The following ASIC2 variants were observed in gnomAD, a reference collection of about 807,000 sequenced individuals.
The protein encoded by ASIC2 is acid-sensing ion channel 2.
ASIC2 carries 25 observed loss-of-function variants against 57.3 expected under a neutral mutation model. The ratio of observed to expected loss-of-function variants is 0.44; its 90% CI spans 0.32 to 0.61. ASIC2 has a LOEUF of 0.61. Ranked by LOEUF, ASIC2 falls within the 20% of genes least tolerant of loss-of-function variation. The probability of loss-of-function intolerance (pLI) is 0.06; values close to 1 mark genes in which losing one functional copy is unlikely to be tolerated. For synonymous variants in ASIC2, 319 were observed against 307.5 expected (o/e 1.04, Z -0.39); for missense variants, 641 against 738.1 (o/e 0.87, Z 1.52).
In ASIC2 at chr17:34,080,230, A is replaced by G. The variant is rs369582251; in HGVS notation, c.555+75748T>C. ...ACTGCCAGGGACATCACATAAAACC[A>G]CTCAGATTCCTCATAACACAACTCC... is the stretch of plus-strand genomic sequence containing the variant. On this transcript the variant is annotated intron_variant, in intron 1 of 9. Coordinates refer to the ASIC2 transcript ENST00000359872. 2.6e-5 allele frequency among the ~76,000 whole-genome samples: 4 copies of G among 152,028 alleles called. No homozygotes were observed. The East Asian group carries it at 7.7e-4, about 29-fold the overall frequency.
chr17:34,112,445 C>A (rs866638458), intron 1 of ASIC2, among the ~76,000 whole-genome samples: 3 of 148,582 alleles, frequency 2.0e-5, no homozygotes, highest in African/African-American at 7.5e-5. Flanking sequence ...GATTTTCAGA[C>A]GCAAGACAGG....
At chr17:33,656,770 T>C (rs1462560688) in intron 1 of ASIC2, among the ~76,000 whole-genome samples, 1 of 152,220 alleles carries the variant, frequency 6.6e-6, no homozygotes, top group Non-Finnish European at 1.5e-5. Context: ...ATCATCTGTT[T>C]ACTTACTTGT....
chr17:33,897,769 A>T (rs904700421), intron 1 of ASIC2, among the ~76,000 whole-genome samples: 5 of 152,186 alleles, frequency 3.3e-5, no homozygotes, highest in African/African-American at 1.2e-4. Context: ...GGTGGAGCCT[A>T]TGGGAGAGGG....
At chr17:33,285,842 T>G (rs112719257) in intron 1 of ASIC2, among the ~76,000 whole-genome samples, 2 of 152,180 alleles carry the variant, frequency 1.3e-5, no homozygotes, top group Non-Finnish European at 2.9e-5. Context: ...AGAATTGAGA[T>G]GACATGAAAC....
intron 2 of ASIC2, among the ~76,000 whole-genome samples, chr17:33,092,080 C>T (rs2092159999): frequency 6.6e-6 from 1 of 152,208 alleles, no homozygotes; most frequent in Non-Finnish European, 1.5e-5. Context: ...CCTTCCTAAG[C>T]AGGTGCTCTG....
intron 1 of ASIC2, among the ~76,000 whole-genome samples, chr17:33,902,771 T>A (rs2141954422): frequency 6.6e-6 from 1 of 152,360 alleles, no homozygotes; most frequent in East Asian, 1.9e-4. Flanking sequence ...GTGGAACCCC[T>A]AATTCTCGAA....
intron 1 of ASIC2, among the ~76,000 whole-genome samples, chr17:33,206,661 C>T (rs907153435): frequency 6.6e-6 from 1 of 152,110 alleles, no homozygotes; most frequent in Admixed American, 6.5e-5. Context: ...GAGTATCCTT[C>T]CATGGCCCTG....
At chr17:34,155,098 A>AT (rs2142147248) in intron 1 of ASIC2, among the ~76,000 whole-genome samples, 1 of 148,136 alleles carries the variant, frequency 6.8e-6, no homozygotes, top group Non-Finnish European at 1.5e-5. Flanking sequence ...CAGGCTTTCC[A>AT]TTCCCACAGC....
intron 1 of ASIC2, among the ~76,000 whole-genome samples, chr17:33,220,546 G>A (rs2142096991): frequency 6.6e-6 from 1 of 152,148 alleles, no homozygotes; most frequent in African/African-American, 2.4e-5. Context: ...TATGACCTTG[G>A]GCAATTCATT....
intron 3 of ASIC2, among the ~76,000 whole-genome samples, chr17:33,033,992 G>C (rs1196862790): frequency 1.3e-5 from 2 of 152,092 alleles, no homozygotes; most frequent in Non-Finnish European, 2.9e-5. Context: ...ACGATGAGAT[G>C]ATCAGCTGCA....
intron 1 of ASIC2, among the ~76,000 whole-genome samples, chr17:34,027,218 A>G (rs1386282146): frequency 6.6e-6 from 1 of 152,242 alleles, no homozygotes; most frequent in Non-Finnish European, 1.5e-5. Context: ...ACTGGCAAAG[A>G]TGTATTCCTT....
chr17:33,737,611 G>T (rs570705019), intron 1 of ASIC2, among the ~76,000 whole-genome samples: 1 of 152,212 alleles, frequency 6.6e-6, no homozygotes, highest in Non-Finnish European at 1.5e-5. Context: ...AAAGAGTGCT[G>T]CACTTATTGG....
chr17:33,298,329 T>C (rs1331114246), intron 1 of ASIC2, among the ~76,000 whole-genome samples: 5 of 152,106 alleles, frequency 3.3e-5, no homozygotes, highest in Admixed American at 3.3e-4. Context: ...TTCCCACCTA[T>C]GAGTGAGAAC....
chr17:33,746,331 TG>T (rs1441486799), intron 1 of ASIC2, among the ~76,000 whole-genome samples: 1 of 149,344 alleles, frequency 6.7e-6, no homozygotes, highest in Non-Finnish European at 1.5e-5. Context: ...TATACATATA[TG>T]TATATATACA....
chr17:33,164,855 A>T (rs1905262715), intron 1 of ASIC2, among the ~76,000 whole-genome samples: 2 of 152,064 alleles, frequency 1.3e-5, no homozygotes, highest in Admixed American at 6.6e-5. Flanking sequence ...GGAGCTGGTC[A>T]CTTGGCCATA....
intron 1 of ASIC2, among the ~76,000 whole-genome samples, chr17:33,769,857 G>A (rs1461877740): frequency 6.6e-6 from 1 of 152,204 alleles, no homozygotes; most frequent in Admixed American, 6.5e-5. Context: ...GTCCTCACAT[G>A]GTGAAGAGCA....
At chr17:33,612,250 A>G (rs1350767650) in intron 1 of ASIC2, among the ~76,000 whole-genome samples, 2 of 152,184 alleles carry the variant, frequency 1.3e-5, no homozygotes, top group Non-Finnish European at 2.9e-5. Context: ...GTTTGACCAA[A>G]TATCTGAGCA....
chr17:33,071,001 G>C (rs1379112979), intron 3 of ASIC2, among the ~76,000 whole-genome samples: 1 of 151,888 alleles, frequency 6.6e-6, no homozygotes, highest in Non-Finnish European at 1.5e-5. Context: ...TCCTCTGTAG[G>C]TAATGAGTTA....
chr17:33,499,855 C>T (rs986128137), intron 1 of ASIC2, among the ~76,000 whole-genome samples: 5 of 152,122 alleles, frequency 3.3e-5, no homozygotes, highest in Non-Finnish European at 7.4e-5. Context: ...GAAGCATTGC[C>T]GAGACGGAGA....
Sources: gnomAD v4.1 joint callset for allele counts (sites outside exome capture counted in the v4.1 genomes callset) on GRCh38, gnomAD v4.1.1 for gene constraint, MANE v1.5 for transcripts, NCBI Gene and HGNC (gene_info 2026-07-23, HGNC 2026-07-21) for gene names.